Variants in HLCS observed in about 807,000 individuals in gnomAD.
The protein encoded by HLCS is holocarboxylase synthetase, also known as biotin--protein ligase.
A neutral mutation model predicts 75.0 loss-of-function variants in HLCS; 53 were observed. That is an observed-to-expected ratio of 0.71 (90% CI 0.57 to 0.89). The LOEUF is 0.89. Among genes scored for constraint, HLCS ranks in the 40% least tolerant of loss-of-function variants. HLCS has a pLI of 0.00. For synonymous variants in HLCS, 431 were observed against 428.6 expected (o/e 1.01, Z -0.07); for missense variants, 966 against 1,074.0 (o/e 0.90, Z 1.41).
At chr21:36,807,731 G>A (rs1023775154) in intron 6 of HLCS, among the ~76,000 whole-genome samples, 3 of 152,154 alleles carry the variant, frequency 2.0e-5, no homozygotes, top group African/African-American at 7.2e-5. Flanking sequence ...CTGTGGATCC[G>A]GCTGGACGCA....
chr21:36,795,942 T>A (rs539982612), intron 6 of HLCS, among the ~76,000 whole-genome samples: 1 of 152,376 alleles, frequency 6.6e-6, no homozygotes, highest in East Asian at 1.9e-4. Flanking sequence ...AAAAGCATCT[T>A]TTTAATTTAA....
intron 5 of HLCS, among the ~76,000 whole-genome samples, chr21:36,925,531 A>G (rs1036968758): frequency 6.6e-6 from 1 of 152,160 alleles, no homozygotes; most frequent in Non-Finnish European, 1.5e-5. Flanking sequence ...CAGTTCCCCA[A>G]GGTAAAGGTG....
At chr21:36,858,589 G>C (rs752019142) in intron 6 of HLCS, among the ~76,000 whole-genome samples, 4 of 152,238 alleles carry the variant, frequency 2.6e-5, no homozygotes, top group African/African-American at 9.6e-5. Context: ...ACTTTGTAAG[G>C]TTTAAGTGAT....
At chr21:36,919,197 G>T (rs1205322406) in intron 5 of HLCS, among the ~76,000 whole-genome samples, 3 of 152,174 alleles carry the variant, frequency 2.0e-5, no homozygotes, top group Non-Finnish European at 4.4e-5. Flanking sequence ...GAAAGAGAGT[G>T]ATGAGTACAG....
intron 1 of HLCS, among the ~76,000 whole-genome samples, chr21:36,987,082 A>G (rs1167054520): frequency 2.0e-5 from 3 of 152,122 alleles, no homozygotes; most frequent in African/African-American, 7.2e-5. Flanking sequence ...TGTCCTTCTG[A>G]CCTGTCTCTA....
chr21:36,860,958 G>A (rs2063363201), intron 6 of HLCS, among the ~76,000 whole-genome samples: 1 of 152,204 alleles, frequency 6.6e-6, no homozygotes, highest in Non-Finnish European at 1.5e-5. Context: ...TAAAATGAGT[G>A]TGAAAATAAG....
chr21:36,799,974 C>T (rs556633947), intron 6 of HLCS, among the ~76,000 whole-genome samples: 1 of 152,296 alleles, frequency 6.6e-6, no homozygotes, highest in East Asian at 1.9e-4. Flanking sequence ...ACGCAAGCCC[C>T]GTGAGGAAAA....
At chr21:36,803,446 G>A (rs77947406) in intron 6 of HLCS, among the ~76,000 whole-genome samples, 145 of 152,280 alleles carry the variant, frequency 9.5e-4, no homozygotes, top group African/African-American at 3.2e-3. Flanking sequence ...TTCCAGAAAC[G>A]CTCGCACAGG....
intron 5 of HLCS, among the ~76,000 whole-genome samples, chr21:36,908,932 C>T (rs762828716): frequency 6.6e-6 from 1 of 152,172 alleles, no homozygotes; most frequent in African/African-American, 2.4e-5. Context: ...CAGTGGCTCA[C>T]GCCTGTAATC....
chr21:36,931,611 G>A (rs1387445656), intron 4 of HLCS, among the ~76,000 whole-genome samples: 1 of 151,946 alleles, frequency 6.6e-6, no homozygotes, highest in Non-Finnish European at 1.5e-5. Context: ...TTAGCCAGGC[G>A]TGGGTGGTGC....
At chr21:36,901,583 T>C (rs754182797) in intron 5 of HLCS, among the ~76,000 whole-genome samples, 1 of 152,184 alleles carries the variant, frequency 6.6e-6, no homozygotes, top group Non-Finnish European at 1.5e-5. Context: ...GGGAAACTAG[T>C]GTTCACGCCT....
intron 6 of HLCS, among the ~76,000 whole-genome samples, chr21:36,773,411 C>T (rs751802792): frequency 2.6e-5 from 4 of 152,260 alleles, no homozygotes; most frequent in Non-Finnish European, 5.9e-5. Flanking sequence ...GTACCTCAGA[C>T]TGGCCTCCCT....
intron 6 of HLCS, chr21:36,852,106 CA>C (rs2063028623): frequency 6.6e-6 from 1 of 152,244 alleles, no homozygotes; most frequent in African/African-American, 2.4e-5. Context: ...CACCCTGTGG[CA>C]CCCATGACTG....
rs1419323598 is a variant in HLCS, at chr21:36,750,992, C to T, written c.*3254G>A. The stretch of plus-strand genomic sequence containing the variant: ...GTAATAATATTTCTCTTGTGTATGG[C>T]GCTGAATACATTTGTCAATAATACG... On this transcript the variant is annotated 3_prime_UTR_variant, in exon 11 of 11. Coordinates refer to ENST00000674895, the MANE Select transcript of HLCS (RefSeq NM_001352514.2). 3.3e-5 allele frequency: 5 copies of T among 150,918 alleles called. No homozygotes were observed. The highest frequency in any genetic ancestry group is 1.3e-4 in the Admixed American group (2 of 15,144). 9.3% of individuals were successfully genotyped at this position (150,918 alleles called of 1,614,324 possible).
intron 6 of HLCS, among the ~76,000 whole-genome samples, chr21:36,845,464 A>C (rs2062765588): frequency 6.6e-6 from 1 of 152,156 alleles, no homozygotes; most frequent in Non-Finnish European, 1.5e-5. Context: ...CATGAGTTTC[A>C]TGAACCGTAA....
rs2089429282 is a variant in HLCS, at chr21:36,753,067, T to C, written c.*1179A>G. On this transcript the variant is annotated 3_prime_UTR_variant, in exon 11 of 11. Transcript: ENST00000674895. This position sits in a 1 kb window ranked among gnomAD's most constrained non-coding sequence, Gnocchi z 4.3. ...CGTACATCTGGGAATAGCGAATGCA[T>C]ATCAAAAGGCTTCATTTCTTTTGTT... 6.5e-6 allele frequency: 1 copy of C among 152,826 alleles called. No individual in the cohort carries two copies. The highest frequency in any genetic ancestry group is 1.9e-4 in the East Asian group (1 of 5,192). 9.5% of individuals were successfully genotyped at this position (152,826 alleles called of 1,614,324 possible).
chr21:36,752,042 C>T lies in HLCS; in HGVS notation c.*2204G>A, dbSNP rs757560553. 5 of 152,570 alleles carry T rather than the reference C, an allele frequency of 3.3e-5. No homozygotes were observed. The highest frequency in any genetic ancestry group is 2.1e-4 in the South Asian group (1 of 4,816). The allele number at this position is 152,570 out of a possible 1,614,324, so 9.5% of individuals were successfully genotyped here. ...AGCAGGTAGACAGGTTTCGCTAACACGAACAGCTATCAGTAAAATGCCTTT... is the reference window on the plus strand; with the variant it reads ...AGCAGGTAGACAGGTTTCGCTAACATGAACAGCTATCAGTAAAATGCCTTT... On this transcript the variant is annotated 3_prime_UTR_variant, in exon 11 of 11. Coordinates refer to ENST00000674895, the MANE Select transcript of HLCS (RefSeq NM_001352514.2).
chr21:36,931,451 T>A (rs545919338), intron 4 of HLCS, among the ~76,000 whole-genome samples: 1 of 152,164 alleles, frequency 6.6e-6, no homozygotes, highest in Non-Finnish European at 1.5e-5. Flanking sequence ...TTCATCATTT[T>A]AAGAGCGTTT....
rs1311395723 is a variant in HLCS at position 36,936,796 on chromosome 21, A to G, written c.1090T>C (p.Leu364=). 6.2e-7 allele frequency: 1 copy of G among 1,614,192 alleles called. No individual in the cohort carries two copies. Among genetic ancestry groups the G allele is most frequent in the Admixed American group, 1.7e-5 (1 of 60,032 alleles). The change falls in exon 4 of 11, where the codon TTG becomes CTG. Residue 364 remains leucine (L), a synonymous_variant. Coordinates refer to ENST00000674895, the MANE Select transcript of HLCS (RefSeq NM_001352514.2). ...RDPWTDNCLL[L]VIATRESIPE... ...ATGGACTCCCTGGTAGCAATGACCA[A>G]CAGCAGACAGTTGTCCGTCCACGGG...
Sources: allele counts gnomAD v4.1 joint callset (sites outside exome capture counted in the v4.1 genomes callset), GRCh38; gene constraint gnomAD v4.1.1; non-coding constraint Gnocchi (gnomAD v3.1); transcripts MANE v1.5; gene names NCBI Gene and HGNC (gene_info 2026-07-23, HGNC 2026-07-21).